The following DNMBP variants were observed in gnomAD, a reference collection of about 807,000 sequenced individuals.
DNMBP encodes the protein dynamin binding protein.
Under a neutral mutation model 150.0 loss-of-function variants are expected in DNMBP, and 87 were observed. The observed-to-expected ratio is 0.58, with a 90% CI of 0.49 to 0.69. The LOEUF (loss-of-function observed/expected upper bound fraction) is 0.69, where lower values mean the gene tolerates loss of function less well. Ranked by LOEUF, DNMBP falls within the 30% of genes least tolerant of loss-of-function variation. The pLI, the probability that DNMBP is intolerant of heterozygous loss-of-function variation, is 0.00. For missense variants in DNMBP, 1,774 were observed against 1,949.0 expected, an observed-to-expected ratio of 0.91 and a Z score of 1.69; for synonymous variants, 711 against 750.4, an observed-to-expected ratio of 0.95 and a Z score of 0.86.
At chr10:99,878,339 A>G (rs528227629) in intron 16 of DNMBP, among the ~76,000 whole-genome samples, 2 of 152,312 alleles carry the variant, frequency 1.3e-5, no homozygotes, top group Non-Finnish European at 2.9e-5. Context: ...AGGGAGGGAC[A>G]CGTGCCCCAA....
chr10:99,915,108 A>AAAATATATATAT (rs10654940), intron 4 of DNMBP, among the ~76,000 whole-genome samples: 42 of 99,786 alleles, frequency 4.2e-4, no homozygotes, highest in African/African-American at 1.7e-3. Context: ...AAAAAAAAAA[A>AAAATATATATAT]ATATATATAT....
At chr10:99,975,292 G>A (rs1292511056) in intron 1 of DNMBP, among the ~76,000 whole-genome samples, 5 of 151,986 alleles carry the variant, frequency 3.3e-5, no homozygotes, top group Non-Finnish European at 4.4e-5. Flanking sequence ...CCCAGGAGGC[G>A]GAGTTGCAGT....
chr10:99,987,096 AGTG>A (rs2133372574), intron 1 of DNMBP, among the ~76,000 whole-genome samples: 1 of 150,654 alleles, frequency 6.6e-6, no homozygotes, highest in Admixed American at 6.7e-5. Context: ...TGGAGCTTTC[AGTG>A]AGCTGAGATC....
chr10:99,924,415 C>A lies in DNMBP; in HGVS notation c.2261-15269G>T, dbSNP rs903076440. 4.6e-5 allele frequency among the ~76,000 whole-genome samples: 7 copies of A among 152,326 alleles called. 1 individual carries two copies. The highest frequency in any genetic ancestry group is 6.5e-5 in the Admixed American group (1 of 15,304). ...CTGAGATCGCACCACTGCACTCCAG[C>A]CCGGGCGACAGAGCGAGACTCCGTC... is the stretch of plus-strand genomic sequence containing the variant. On this transcript the variant is annotated intron_variant, in intron 4 of 16. Coordinates refer to ENST00000324109, the MANE Select transcript of DNMBP (RefSeq NM_015221.4).
At chr10:99,900,276 G>A (rs2490933) in intron 6 of DNMBP, among the ~76,000 whole-genome samples, 151,515 of 152,364 alleles carry the variant, frequency 0.99, 75,337 homozygotes, top group Middle Eastern at 1. Flanking sequence ...CATGTCATCC[G>A]TATATGTATG....
chr10:99,884,108 T>C lies in DNMBP; in HGVS notation c.3900A>G (p.Gln1300=). Residue 1300 remains glutamine, a synonymous_variant, in exon 15 of 17, where the codon CAA becomes CAG. Transcript: ENST00000324109. ...CTTCCAAAAGTGAGACATCCAAGTC[T>C]TGAGCAGCATTGAAGTTCCGTTCTG... ...FQAERNFNAA[Q]DLDVSLLEGD... The C allele has an allele frequency of 6.2e-7, 1 of 1,614,166 alleles. No homozygotes were observed. The highest frequency in any genetic ancestry group is 8.5e-7 in the Non-Finnish European group (1 of 1,180,022).
intron 4 of DNMBP, 64 bp downstream of exon 4, chr10:99,955,150 G>A: frequency 6.9e-7 from 1 of 1,440,926 alleles, no homozygotes. Context: ...AAAAGCCTGG[G>A]TAGGCTGTTT....
At chr10:99,950,798 TACAGA>T (rs1387681579) in intron 4 of DNMBP, among the ~76,000 whole-genome samples, 3 of 152,176 alleles carry the variant, frequency 2.0e-5, no homozygotes, top group Admixed American at 6.6e-5. Context: ...ATAAGGGATG[TACAGA>T]ACAGAAGTTC....
At chr10:99,952,454 A>T (rs1281771367) in intron 4 of DNMBP, among the ~76,000 whole-genome samples, 1 of 152,206 alleles carries the variant, frequency 6.6e-6, no homozygotes, top group Admixed American at 6.5e-5. Context: ...CTGAGAGCTC[A>T]AGTACTCATA....
At position 99,884,066 on chromosome 10, in the gene DNMBP, C is replaced by T. The variant is rs2039414826; in HGVS notation, c.3942G>A (p.Val1314=). The T allele has an allele frequency of 1.9e-6, 3 of 1,613,994 alleles. No individual in the cohort carries two copies. Among genetic ancestry groups the T allele is most frequent in the East Asian group, 4.5e-5 (2 of 44,874 alleles). The change falls in exon 15 of 17, where the codon GTG becomes GTA. Residue 1314 remains valine (V), a synonymous_variant. Coordinates refer to ENST00000324109, the MANE Select transcript of DNMBP (RefSeq NM_015221.4). ...TGCCCATGGGGTCTTTTTTCTTAAT[C>T]ACACCCACCAGGTCACCTTCCAAAA... is the stretch of plus-strand genomic sequence containing the variant. ...VSLLEGDLVG[V]IKKKDPMGSQ... is the part of the protein sequence containing the mutation.
At chr10:99,924,690 T>C (rs913866949) in intron 4 of DNMBP, among the ~76,000 whole-genome samples, 1 of 152,186 alleles carries the variant, frequency 6.6e-6, no homozygotes, top group African/African-American at 2.4e-5. Flanking sequence ...TTAAAGGAGA[T>C]ATGGGATCTA....
chr10:99,879,084 C>CAAATAAAAAAA (rs2039320161), intron 16 of DNMBP, among the ~76,000 whole-genome samples: 1 of 62,404 alleles, frequency 1.6e-5, no homozygotes. Context: ...GACTCTGTCT[C>CAAATAAAAAAA]AAAAAAAAAA....
intron 1 of DNMBP, among the ~76,000 whole-genome samples, chr10:99,979,622 T>C (rs1414956665): frequency 1.3e-5 from 2 of 152,170 alleles, no homozygotes; most frequent in Non-Finnish European, 2.9e-5. Context: ...ACACAAGAGC[T>C]CCATGATCAT....
chr10:99,960,039 A>T (rs970808672), intron 3 of DNMBP, among the ~76,000 whole-genome samples: 1 of 152,136 alleles, frequency 6.6e-6, no homozygotes, highest in Non-Finnish European at 1.5e-5. Context: ...GTTTTTGAAA[A>T]TAACCAATTT....
intron 15 of DNMBP, 125 bp from the exon 16 acceptor site, chr10:99,880,486 C>A: frequency 7.6e-7 from 1 of 1,323,832 alleles, no homozygotes; most frequent in East Asian, 2.5e-5. Flanking sequence ...AAAACAAAAA[C>A]TCAAAAGCCA....
intron 1 of DNMBP, among the ~76,000 whole-genome samples, chr10:99,985,748 T>C (rs954849352): frequency 2.0e-5 from 3 of 152,152 alleles, no homozygotes; most frequent in African/African-American, 7.2e-5. Context: ...GCTAAATGAA[T>C]AATTTCTTCT....
At chr10:99,912,447 TAAC>T (rs1409913417) in intron 4 of DNMBP, among the ~76,000 whole-genome samples, 1 of 152,060 alleles carries the variant, frequency 6.6e-6, no homozygotes, top group African/African-American at 2.4e-5. Context: ...AGAAAAACAA[TAAC>T]AATTCTTTTA....
chr10:99,938,734 G>A (rs1049720622), intron 4 of DNMBP, among the ~76,000 whole-genome samples: 1 of 152,176 alleles, frequency 6.6e-6, no homozygotes, highest in African/African-American at 2.4e-5. Context: ...CAAAAGCTGT[G>A]AATGGGTTGC....
intron 4 of DNMBP, among the ~76,000 whole-genome samples, chr10:99,909,933 GGA>G (rs2039880051): frequency 6.6e-6 from 1 of 152,132 alleles, no homozygotes; most frequent in Non-Finnish European, 1.5e-5. Context: ...TAGATACACA[GGA>G]TGAGAGAGTT....
Sources: gnomAD v4.1 joint callset for allele counts (sites outside exome capture counted in the v4.1 genomes callset) on GRCh38, gnomAD v4.1.1 for gene constraint, MANE v1.5 for transcripts, NCBI Gene and HGNC (gene_info 2026-07-23, HGNC 2026-07-21) for gene names.